The following ITPR1 variants were observed in gnomAD, a reference collection of about 807,000 sequenced individuals.
ITPR1 encodes inositol 1,4,5-trisphosphate receptor type 1, also known as inositol 1,4,5-trisphosphate-gated calcium channel ITPR1.
ITPR1 carries 96 observed loss-of-function variants against 318.4 expected under a neutral mutation model. The observed-to-expected ratio is 0.30, with a 90% CI of 0.26 to 0.36. ITPR1 has a LOEUF of 0.36. Among genes scored for constraint, ITPR1 ranks in the 10% least tolerant of loss-of-function variants. The pLI is 1.00. For missense variants in ITPR1, 2,440 were observed against 3,460.2 expected, an observed-to-expected ratio of 0.71 and a Z score of 7.40; for synonymous variants, 1,312 against 1,289.9, an observed-to-expected ratio of 1.02 and a Z score of -0.37.
At chr3:4,734,239 T>G (rs2043123876) in intron 43 of ITPR1, among the ~76,000 whole-genome samples, 1 of 152,226 alleles carries the variant, frequency 6.6e-6, no homozygotes, top group Non-Finnish European at 1.5e-5. Context: ...CTCAAAACCA[T>G]TCTCTTTACT....
intron 4 of ITPR1, among the ~76,000 whole-genome samples, chr3:4,588,353 T>TA (rs1559495747): frequency 6.6e-6 from 1 of 151,368 alleles, no homozygotes; most frequent in African/African-American, 2.4e-5. Flanking sequence ...TTTTTTTTTT[T>TA]AAAGCCTGTT....
intron 42 of ITPR1, among the ~76,000 whole-genome samples, chr3:4,730,373 G>C (rs1436250083): frequency 2.8e-5 from 1 of 36,188 alleles, no homozygotes; most frequent in Admixed American, 2.6e-4. Flanking sequence ...TGGGTGGAAT[G>C]TGTGTGTGTG....
intron 4 of ITPR1, among the ~76,000 whole-genome samples, chr3:4,591,598 CCTGA>C (rs1346384261): frequency 6.6e-6 from 1 of 152,182 alleles, no homozygotes; most frequent in African/African-American, 2.4e-5. Flanking sequence ...GGCAGGATAG[CCTGA>C]CTATTTTCCT....
At chr3:4,644,653 G>T (rs1313649299) in intron 8 of ITPR1, among the ~76,000 whole-genome samples, 1 of 152,120 alleles carries the variant, frequency 6.6e-6, no homozygotes, top group Non-Finnish European at 1.5e-5. Flanking sequence ...CTTGCTTTTG[G>T]CAATACATCT....
At position 4,761,212 on chromosome 3, in the gene ITPR1, TG is replaced by T. The variant is rs915725632; in HGVS notation, c.5545-5311del. Among the ~76,000 whole-genome samples, 8 of 152,254 alleles carry T rather than the reference TG, an allele frequency of 5.3e-5. No individual in the cohort carries two copies. In the East Asian group the frequency reaches 7.7e-4, roughly 15 times the overall value. ...GGGTATATTGTGCGATGCTGAGGTT[TG>T]GGGGGGTTCACCCAGGTGGTGAACA... On this transcript the variant is annotated intron_variant, in intron 44 of 61. Transcript: ENST00000649015.
chr3:4,634,906 T>G (rs1301029719), intron 5 of ITPR1, among the ~76,000 whole-genome samples: 3 of 152,236 alleles, frequency 2.0e-5, no homozygotes, highest in East Asian at 3.9e-4. Context: ...ACCTGGCTAA[T>G]TTTTGGGGGT....
intron 4 of ITPR1, among the ~76,000 whole-genome samples, chr3:4,582,107 C>T (rs570370749): frequency 2.2e-4 from 34 of 152,196 alleles, no homozygotes; most frequent in East Asian, 1.5e-3. Flanking sequence ...TCGGTGCTCC[C>T]GTACTGGCCT....
chr3:4,644,282 G>A lies in ITPR1; in HGVS notation c.624+48G>A, dbSNP rs147721944. 5.1e-4 allele frequency: 665 copies of A among 1,305,296 alleles called. 3 individuals are homozygous for A. In the African/African-American group the frequency reaches 6.1e-3, roughly 12 times the overall value. 80.9% of individuals were successfully genotyped at this position (1,305,296 alleles called of 1,614,324 possible). A position where few individuals can be genotyped will look rare whatever the true frequency, so the allele number is the denominator to read the frequency against. On this transcript the variant is annotated intron_variant, in intron 8 of 61. Coordinates refer to ENST00000649015, the MANE Select transcript of ITPR1 (RefSeq NM_001378452.1). ...GTGGGTGTGGTTATCCTGCAGGAGC[G>A]GGTCTGGCAGGCGCCAGTGCATGCG...
intron 4 of ITPR1, among the ~76,000 whole-genome samples, chr3:4,568,738 G>C (rs138685454): frequency 5.0e-4 from 76 of 152,306 alleles, no homozygotes; most frequent in African/African-American, 1.8e-3. Flanking sequence ...GTGTCAGGCG[G>C]ATATGGTTCC....
intron 56 of ITPR1, among the ~76,000 whole-genome samples, chr3:4,812,605 T>G (rs979030079): frequency 5.3e-5 from 8 of 152,096 alleles, no homozygotes; most frequent in Admixed American, 2.6e-4. Flanking sequence ...ATACTACTGG[T>G]TTTTCATCCC....
At chr3:4,702,010 C>T (rs907638930) in intron 35 of ITPR1, among the ~76,000 whole-genome samples, 2 of 152,084 alleles carry the variant, frequency 1.3e-5, no homozygotes, top group South Asian at 2.1e-4. Context: ...CAAGTTGTCC[C>T]CTCTGAAACG....
intron 60 of ITPR1, among the ~76,000 whole-genome samples, chr3:4,821,033 G>A (rs1162861777): frequency 6.6e-6 from 1 of 152,226 alleles, no homozygotes; most frequent in East Asian, 1.9e-4. Flanking sequence ...CCACTGAGCG[G>A]GGGCATCCTA....
At chr3:4,665,371 T>G in intron 17 of ITPR1, 75 bp downstream of exon 17, 1 of 1,354,944 alleles carries the variant, frequency 7.4e-7, no homozygotes, top group Non-Finnish European at 1.0e-6. Flanking sequence ...CCTGAGTTTT[T>G]AGTGTCACAT....
At chr3:4,672,123 A>T (rs930665847) in intron 20 of ITPR1, among the ~76,000 whole-genome samples, 6 of 152,192 alleles carry the variant, frequency 3.9e-5, no homozygotes, top group Admixed American at 3.3e-4. Context: ...TCATGTCAGG[A>T]AACATCTTCA....
intron 55 of ITPR1, among the ~76,000 whole-genome samples, chr3:4,809,366 A>G (rs1358049829): frequency 6.6e-6 from 1 of 152,242 alleles, no homozygotes; most frequent in Non-Finnish European, 1.5e-5. Flanking sequence ...TTTAAAAAAC[A>G]TATTGGTTAT....
At chr3:4,835,032 A>G (rs2050796345) in intron 60 of ITPR1, among the ~76,000 whole-genome samples, 1 of 152,202 alleles carries the variant, frequency 6.6e-6, no homozygotes, top group Admixed American at 6.5e-5. Flanking sequence ...TTTTATTAAT[A>G]TTGAATGTCT....
chr3:4,692,151 AAAT>A (rs2094490181), intron 32 of ITPR1, among the ~76,000 whole-genome samples: 1 of 151,676 alleles, frequency 6.6e-6, no homozygotes, highest in Non-Finnish European at 1.5e-5. Context: ...CTTAGAAAAA[AAAT>A]AAAAAAAAGA....
intron 44 of ITPR1, among the ~76,000 whole-genome samples, chr3:4,736,070 A>G (rs990397729): frequency 1.3e-5 from 2 of 152,142 alleles, no homozygotes; most frequent in Non-Finnish European, 2.9e-5. Context: ...CATAACTTTT[A>G]TATATGATCC....
In ITPR1 at chr3:4,645,885, G is replaced by A. The variant is rs79901766; in HGVS notation, c.855+157G>A. ...ACCTACACACACACACAGAATACAT[G>A]TGTGTGTATATATATAAGTCACAAA... is the stretch of plus-strand genomic sequence containing the variant. On this transcript the variant is annotated intron_variant, in intron 10 of 61. Coordinates refer to ENST00000649015, the MANE Select transcript of ITPR1 (RefSeq NM_001378452.1). 1,067 of 667,340 alleles carry A rather than the reference G, an allele frequency of 1.6e-3. 8 individuals carry two copies. The African/African-American group carries it at 0.017, about 11-fold the overall frequency. 41.3% of individuals were successfully genotyped at this position (667,340 alleles called of 1,614,324 possible).
Sources: gnomAD v4.1 joint callset for allele counts (sites outside exome capture counted in the v4.1 genomes callset) on GRCh38, gnomAD v4.1.1 for gene constraint, MANE v1.5 for transcripts, NCBI Gene and HGNC (gene_info 2026-07-23, HGNC 2026-07-21) for gene names.